LNPEP: variants seen among roughly 807,000 people sequenced by gnomAD.
LNPEP encodes leucyl and cystinyl aminopeptidase.
A neutral mutation model predicts 120.6 loss-of-function variants in LNPEP; 64 were observed. That is an observed-to-expected ratio of 0.53 (90% CI 0.43 to 0.65). The LOEUF is 0.65. Ranked by LOEUF, LNPEP falls within the 30% of genes least tolerant of loss-of-function variation. The pLI is 0.00. For missense variants in LNPEP, 1,057 were observed against 1,200.0 expected (o/e 0.88, Z 1.76); for synonymous variants, 435 against 425.4 (o/e 1.02, Z -0.28).
chr5:96,948,211 G>A (rs1032249327), intron 1 of LNPEP, among the ~76,000 whole-genome samples: 7 of 151,284 alleles, frequency 4.6e-5, no homozygotes, highest in African/African-American at 1.2e-4. Context: ...TCTACCTCCC[G>A]GGTTCCAGTG....
rs555007109 is a variant in LNPEP, at chr5:97,036,215, T to C, written c.*7682T>C. On this transcript the variant is annotated 3_prime_UTR_variant, in exon 18 of 18. Transcript: ENST00000231368. Reference sequence around the variant, plus strand: ...GAGTTATTGACATGGCTCTGATGAATAGAACATGAGCCCCAAAACTAAATC... The same window carrying C: ...GAGTTATTGACATGGCTCTGATGAACAGAACATGAGCCCCAAAACTAAATC... 6.6e-6 allele frequency: 1 copy of C among 152,236 alleles called. No homozygotes were observed. Among genetic ancestry groups the C allele is most frequent in the African/African-American group, 2.4e-5 (1 of 41,560 alleles). The allele number at this position is 152,236 out of a possible 1,614,324, so 9.4% of individuals were successfully genotyped here. A position where few individuals can be genotyped will look rare whatever the true frequency, so the allele number is the denominator to read the frequency against.
At chr5:97,024,351 A>G (rs1428789763) in intron 14 of LNPEP, among the ~76,000 whole-genome samples, 170 bp from the exon 15 acceptor site, 1 of 152,188 alleles carries the variant, frequency 6.6e-6, no homozygotes, top group Non-Finnish European at 1.5e-5. Flanking sequence ...TAGACACACT[A>G]CTAGGAAGAT....
chr5:96,937,481 T>C (rs1788938370), intron 1 of LNPEP: 1 of 152,220 alleles, frequency 6.6e-6, no homozygotes, highest in Non-Finnish European at 1.5e-5. Context: ...GTGAAGTTAC[T>C]CGAAGAATTA....
chr5:97,006,176 TACA>T lies in LNPEP; in HGVS notation c.1894_1896del (p.Gln632del). On this transcript the variant is annotated inframe_deletion, in exon 10 of 18. Coordinates refer to ENST00000231368, the MANE Select transcript of LNPEP (RefSeq NM_005575.3). Reference sequence around the variant, plus strand: ...CAAAAGAAAGGAAAGGAACTTTTTATACAACAAGAGAGATTCTTTTTAAATATG... The same window carrying T: ...CAAAAGAAAGGAAAGGAACTTTTTATACAAGAGAGATTCTTTTTAAATATG... 1 of 1,606,292 alleles carries T rather than the reference TACA, an allele frequency of 6.2e-7. No individual in the cohort carries two copies. Among genetic ancestry groups the T allele is most frequent in the Non-Finnish European group, 8.5e-7 (1 of 1,176,156 alleles).
intron 1 of LNPEP, among the ~76,000 whole-genome samples, chr5:96,965,854 C>T (rs1789713768): frequency 6.6e-6 from 1 of 152,094 alleles, no homozygotes; most frequent in Non-Finnish European, 1.5e-5. Flanking sequence ...ACTTCTTCCT[C>T]ATTAAATTTT....
intron 1 of LNPEP, among the ~76,000 whole-genome samples, chr5:96,965,744 A>G (rs1202008108): frequency 6.6e-6 from 1 of 152,134 alleles, no homozygotes; most frequent in Non-Finnish European, 1.5e-5. Context: ...AGAATGGAAG[A>G]CATTGGTTAA....
chr5:97,022,126 A>G (rs994949604), intron 13 of LNPEP, among the ~76,000 whole-genome samples, 174 bp from the exon 14 acceptor site: 1 of 150,900 alleles, frequency 6.6e-6, no homozygotes, highest in African/African-American at 2.4e-5. Flanking sequence ...ATGTCGTTTC[A>G]CCGTGTTGGC....
intron 11 of LNPEP, 138 bp downstream of exon 11, chr5:97,006,653 A>G: frequency 1.6e-6 from 1 of 619,804 alleles, no homozygotes; most frequent in Non-Finnish European, 2.9e-6. Flanking sequence ...GATGTGACTA[A>G]TGTGAGATTG....
chr5:97,024,281 A>G (rs989546750), intron 14 of LNPEP, among the ~76,000 whole-genome samples: 2 of 152,206 alleles, frequency 1.3e-5, no homozygotes, highest in Non-Finnish European at 2.9e-5. Flanking sequence ...GTGTCCAGCC[A>G]GTCGCCTGCC....
chr5:97,000,517 G>T (rs1790624711), intron 8 of LNPEP, among the ~76,000 whole-genome samples: 1 of 152,198 alleles, frequency 6.6e-6, no homozygotes, highest in Admixed American at 6.5e-5. Context: ...CCTTCTGGGT[G>T]TCTGGAGTTT....
chr5:97,018,000 T>C lies in LNPEP; in HGVS notation c.2376+2905T>C, dbSNP rs1051503512. ...TTCTCCCTGTGTTTCTGTGCCCAAA[T>C]TGCCCCATTCTTAGATTAAGGCCCA... On this transcript the variant is annotated intron_variant, in intron 13 of 17. Transcript: ENST00000231368. 8.5e-5 allele frequency among the ~76,000 whole-genome samples: 13 copies of C among 152,102 alleles called. 1 individual carries two copies. Among genetic ancestry groups the C allele is most frequent in the Admixed American group, 7.9e-4 (12 of 15,280 alleles).
At chr5:97,011,304 C>A in intron 11 of LNPEP, 1 of 503,892 alleles carries the variant, frequency 2.0e-6, no homozygotes, top group Non-Finnish European at 2.6e-6. Flanking sequence ...TAGCTCACTG[C>A]AGCCTTGACC....
chr5:96,944,559 G>GTT (rs1491162241), intron 1 of LNPEP, among the ~76,000 whole-genome samples: 3 of 76,788 alleles, frequency 3.9e-5, no homozygotes, highest in Non-Finnish European at 5.5e-5. Flanking sequence ...TCTTATTTTT[G>GTT]CTTTTTTTTT....
chr5:96,966,167 G>A (rs1009180382), intron 1 of LNPEP, among the ~76,000 whole-genome samples: 16 of 151,954 alleles, frequency 1.1e-4, no homozygotes, highest in Admixed American at 6.6e-4. Flanking sequence ...GCACAGCTGC[G>A]ATTAGACTTC....
chr5:97,004,717 C>G (rs1187253254), intron 9 of LNPEP, among the ~76,000 whole-genome samples: 1 of 152,150 alleles, frequency 6.6e-6, no homozygotes, highest in Non-Finnish European at 1.5e-5. Flanking sequence ...CTGATACTTT[C>G]TAGCTGTTAG....
At chr5:97,028,372 T>A in intron 17 of LNPEP, 30 bp from the exon 18 acceptor site, 2 of 1,611,006 alleles carry the variant, frequency 1.2e-6, no homozygotes, top group Non-Finnish European at 1.7e-6. Flanking sequence ...CCTTTTCTTC[T>A]TTTGAAATTC....
At chr5:96,958,251 T>C (rs1464183940) in intron 1 of LNPEP, among the ~76,000 whole-genome samples, 2 of 152,230 alleles carry the variant, frequency 1.3e-5, no homozygotes, top group Non-Finnish European at 2.9e-5. Context: ...TTGTCTAGAC[T>C]TTCAATTTTT....
At position 97,026,823 on chromosome 5, in the gene LNPEP, G is replaced by A; in HGVS notation, c.2864+66G>A. The A allele has an allele frequency of 5.7e-6, 8 of 1,396,184 alleles. No individual in the cohort carries two copies. The South Asian group carries it at 1.0e-4, about 18-fold the overall frequency. 86.5% of individuals were successfully genotyped at this position (1,396,184 alleles called of 1,614,324 possible). On this transcript the variant is annotated intron_variant, in intron 16 of 17. Transcript: ENST00000231368. The stretch of plus-strand genomic sequence containing the variant: ...GTTGTGCATTTGAAAAAAGCTCCCA[G>A]TGTTTTGGCTCACAGAAGTTAGGAT...
rs3839297 is a variant in LNPEP, at chr5:97,006,046, T to TTATATATATA, written c.1786-17_1786-8dup. Reference sequence around the variant, plus strand: ...AATTTTTATTTTTAAGGAAAAAGTTTTATATATATATATATATATTTTGTA... The same window carrying TTATATATATA: ...AATTTTTATTTTTAAGGAAAAAGTTTTATATATATATATATATATATATATATATTTTGTA... On this transcript the variant is annotated intron_variant, in intron 9 of 17. Coordinates refer to ENST00000231368, the MANE Select transcript of LNPEP (RefSeq NM_005575.3). The TTATATATATA allele has an allele frequency of 1.0e-4, 70 of 702,724 alleles. No homozygotes were observed. In the East Asian group the frequency reaches 1.4e-3, roughly 14 times the overall value. 43.5% of individuals were successfully genotyped at this position (702,724 alleles called of 1,614,324 possible).
Sources: gnomAD v4.1 joint callset for allele counts (sites outside exome capture counted in the v4.1 genomes callset) on GRCh38, gnomAD v4.1.1 for gene constraint, MANE v1.5 for transcripts, NCBI Gene and HGNC (gene_info 2026-07-23, HGNC 2026-07-21) for gene names.